Variants in ACOT12 observed in about 807,000 individuals in gnomAD.
ACOT12 encodes acyl-CoA thioesterase 12.
In ACOT12, 51 loss-of-function variants were observed where a neutral mutation model predicts 67.7. That is an observed-to-expected ratio of 0.75 (90% confidence interval 0.60 to 0.95). ACOT12 has a LOEUF of 0.95. ACOT12 is among the 40% of genes least tolerant of loss of function. The pLI is 0.00. For missense variants in ACOT12, 734 were observed against 708.1 expected (o/e 1.04, Z -0.41); for synonymous variants, 251 against 244.6 (o/e 1.03, Z -0.24).
intron 4 of ACOT12, 49 bp downstream of exon 4, chr5:81,363,739 C>T (rs1424068661): frequency 2.2e-6 from 3 of 1,395,126 alleles, no homozygotes; most frequent in Non-Finnish European, 3.0e-6. Flanking sequence ...GCAATTGTTA[C>T]TATGTCCCTG....
intron 3 of ACOT12, among the ~76,000 whole-genome samples, chr5:81,368,020 G>A (rs917348697): frequency 3.9e-5 from 6 of 152,072 alleles, no homozygotes; most frequent in African/African-American, 1.4e-4. Context: ...GGCAGGGCAC[G>A]GTGGCTCATG....
the ACOT12 span, among the ~76,000 whole-genome samples, chr5:81,319,323 T>C: frequency 6.6e-6 from 1 of 152,260 alleles, no homozygotes; most frequent in Non-Finnish European, 1.5e-5. Flanking sequence ...TATCATATAA[T>C]TGACTATTTA....
chr5:81,369,431 A>G (rs1404549348), intron 3 of ACOT12, among the ~76,000 whole-genome samples: 1 of 152,232 alleles, frequency 6.6e-6, no homozygotes, highest in South Asian at 2.1e-4. Flanking sequence ...GGAAGACGCT[A>G]AAGGACATGT....
intron 11 of ACOT12, among the ~76,000 whole-genome samples, chr5:81,339,425 C>T (rs1032902508): frequency 6.6e-6 from 1 of 152,186 alleles, no homozygotes; most frequent in African/African-American, 2.4e-5. Flanking sequence ...ATCCCCAGGT[C>T]TTCCTTAAAT....
At chr5:81,351,968 A>C (rs1423904473) in intron 5 of ACOT12, among the ~76,000 whole-genome samples, 1 of 152,192 alleles carries the variant, frequency 6.6e-6, no homozygotes, top group Non-Finnish European at 1.5e-5. Flanking sequence ...CATTTCTCAA[A>C]AGAAGACATG....
intron 11 of ACOT12, among the ~76,000 whole-genome samples, chr5:81,338,290 T>A (rs774573046): frequency 3.9e-5 from 6 of 152,260 alleles, no homozygotes; most frequent in Non-Finnish European, 5.9e-5. Context: ...CCAAATCTCA[T>A]GTCGAATTGT....
chr5:81,392,190 G>T (rs1760884606), intron 1 of ACOT12, among the ~76,000 whole-genome samples: 1 of 152,120 alleles, frequency 6.6e-6, no homozygotes, highest in South Asian at 2.1e-4. Context: ...CCATGACTGG[G>T]ATTGCAGTAA....
chr5:81,309,110 C>A, the ACOT12 span: 2 of 1,136,498 alleles, frequency 1.8e-6, no homozygotes, highest in Non-Finnish European at 2.5e-6. Context: ...TACACTCAAT[C>A]ACAGTTCTTG....
At chr5:81,384,070 C>T (rs1438899071) in intron 2 of ACOT12, among the ~76,000 whole-genome samples, 1 of 151,622 alleles carries the variant, frequency 6.6e-6, no homozygotes, top group Non-Finnish European at 1.5e-5. Context: ...AGAGCAACTT[C>T]CAGCCTTCCA....
chr5:81,374,864 T>C (rs1272993795), intron 2 of ACOT12, among the ~76,000 whole-genome samples: 1 of 152,064 alleles, frequency 6.6e-6, no homozygotes, highest in Admixed American at 6.6e-5. Context: ...TCTACGTTGG[T>C]TTGGTATACT....
chr5:81,374,189 G>A (rs955793770), intron 2 of ACOT12, among the ~76,000 whole-genome samples: 1 of 152,162 alleles, frequency 6.6e-6, no homozygotes, highest in African/African-American at 2.4e-5. Context: ...GGAATACCTA[G>A]GCAAACAGGG....
intron 12 of ACOT12, among the ~76,000 whole-genome samples, chr5:81,335,426 G>A (rs931454445): frequency 4.7e-4 from 72 of 152,280 alleles, no homozygotes; most frequent in African/African-American, 1.7e-3. Flanking sequence ...GTGCAGTGGT[G>A]TGATCTTGGC....
At chr5:81,316,315 C>A in the ACOT12 span, among the ~76,000 whole-genome samples, 1 of 152,202 alleles carries the variant, frequency 6.6e-6, no homozygotes, top group East Asian at 1.9e-4. Context: ...CCTATCCCTT[C>A]CTTCCCCCAG....
intron 2 of ACOT12, among the ~76,000 whole-genome samples, chr5:81,376,990 G>A (rs922770452): frequency 1.3e-5 from 2 of 152,148 alleles, no homozygotes; most frequent in African/African-American, 4.8e-5. Flanking sequence ...CTCATTCTGT[G>A]AGGCCAGCAT....
chr5:81,323,892 A>G, the ACOT12 span, among the ~76,000 whole-genome samples: 2 of 138,242 alleles, frequency 1.4e-5, no homozygotes, highest in African/African-American at 5.1e-5. Flanking sequence ...ATGTATACAT[A>G]TATACGTATA....
intron 5 of ACOT12, among the ~76,000 whole-genome samples, chr5:81,352,175 A>C (rs1335428794): frequency 6.6e-6 from 1 of 152,174 alleles, no homozygotes; most frequent in African/African-American, 2.4e-5. Flanking sequence ...AATTAGTACA[A>C]CCCCTATGAA....
chr5:81,346,523 T>C (rs957313365), intron 6 of ACOT12, among the ~76,000 whole-genome samples: 1 of 152,264 alleles, frequency 6.6e-6, no homozygotes, highest in Admixed American at 6.5e-5. Flanking sequence ...ACACATTTTA[T>C]AATTTTTGTG....
At chr5:81,359,812 A>G in intron 5 of ACOT12, 91 bp downstream of exon 5, 4 of 1,374,690 alleles carry the variant, frequency 2.9e-6, no homozygotes, top group Middle Eastern at 4.6e-4. Flanking sequence ...CTGAATGGTA[A>G]TAATAAGGTG....
intron 8 of ACOT12, among the ~76,000 whole-genome samples, chr5:81,344,461 T>G (rs1759308706): frequency 6.6e-6 from 1 of 152,212 alleles, no homozygotes; most frequent in African/African-American, 2.4e-5. Flanking sequence ...ATTATTAACA[T>G]TCCTGTTACC....
Sources: gnomAD v4.1 joint callset for allele counts (sites outside exome capture counted in the v4.1 genomes callset) on GRCh38, gnomAD v4.1.1 for gene constraint, MANE v1.5 for transcripts, NCBI Gene and HGNC (gene_info 2026-07-23, HGNC 2026-07-21) for gene names.